Variants in FRA10AC1 observed in about 807,000 individuals in gnomAD.
The protein encoded by FRA10AC1 is FRA10A associated CGG repeat 1.
Under a neutral mutation model 56.5 loss-of-function variants are expected in FRA10AC1, and 43 were observed. That is an observed-to-expected ratio of 0.76 (90% CI 0.60 to 0.98). The LOEUF is 0.98. Among genes scored for constraint, FRA10AC1 ranks in the 50% least tolerant of loss-of-function variants. The probability of loss-of-function intolerance (pLI) is 0.00; values close to 1 mark genes in which losing one functional copy is unlikely to be tolerated. For synonymous variants in FRA10AC1, 112 were observed against 110.5 expected (o/e 1.01, Z -0.09); for missense variants, 346 against 351.8 (o/e 0.98, Z 0.13).
Position 93,692,645 on chromosome 10 carries a change from C to T in FRA10AC1, c.380+1G>A. ...GCATTACGCCTCTGATGGCTAATTA[C>T]CAAGTCATGTCCATTTCGTCCTCCT... On this transcript the variant is annotated splice_donor_variant, in intron 6 of 13. Transcript: ENST00000359204. LOFTEE classifies it high-confidence loss of function. 8 of 1,579,872 alleles carry T rather than the reference C, an allele frequency of 5.1e-6. No individual in the cohort carries two copies. Among genetic ancestry groups the T allele is most frequent in the Non-Finnish European group, 5.2e-6 (6 of 1,156,958 alleles).
At chr10:93,671,878 G>T in intron 12 of FRA10AC1, 1 of 347,650 alleles carries the variant, frequency 2.9e-6, no homozygotes, top group Non-Finnish European at 5.5e-6. Flanking sequence ...CAAATTGTTT[G>T]TATTTTAAAC....
rs147058453 is a variant in FRA10AC1 at position 93,678,218 on chromosome 10, G to C, written c.788-1527C>G. ...AGGATGACGTAGCTTTTGGGAAAGGGGTGATGGTGAGACAGATAAGATTCT... is the reference window on the plus strand; with the variant it reads ...AGGATGACGTAGCTTTTGGGAAAGGCGTGATGGTGAGACAGATAAGATTCT... On this transcript the variant is annotated intron_variant, in intron 11 of 13. Transcript: ENST00000359204. Among the ~76,000 whole-genome samples the C allele has an allele frequency of 5.3e-5, 8 of 152,254 alleles. No individual in the cohort carries two copies. In the East Asian group the frequency reaches 1.5e-3, roughly 29 times the overall value.
At chr10:93,673,218 C>A in intron 12 of FRA10AC1, 1 of 406,660 alleles carries the variant, frequency 2.5e-6, no homozygotes. Flanking sequence ...TGTTTTTGGG[C>A]AGTTCTGCCA....
At chr10:93,688,201 C>G (rs928368215) in intron 7 of FRA10AC1, among the ~76,000 whole-genome samples, 14 of 152,042 alleles carry the variant, frequency 9.2e-5, no homozygotes, top group African/African-American at 3.4e-4. Flanking sequence ...AATATCAAAC[C>G]ATGAAGACAT....
At position 93,670,683 on chromosome 10, in the gene FRA10AC1, G is replaced by A. The variant is rs916026096; in HGVS notation, c.905+87C>T. 37 of 838,084 alleles carry A rather than the reference G, an allele frequency of 4.4e-5. No homozygotes were observed. In the African/African-American group the frequency reaches 5.1e-4, roughly 12 times the overall value. The allele number at this position is 838,084 out of a possible 1,614,324, so 51.9% of individuals were successfully genotyped here. A position where few individuals can be genotyped will look rare whatever the true frequency, so the allele number is the denominator to read the frequency against. On this transcript the variant is annotated intron_variant, in intron 13 of 13. Coordinates refer to ENST00000359204, the MANE Select transcript of FRA10AC1 (RefSeq NM_145246.5). ...TTGGCATTAAATAGATCACCATGAT[G>A]TTGTATTTTTCCATTAATAAAGCTG...
upstream of FRA10AC1, chr10:93,702,703 CG>C: frequency 4.2e-6 from 1 of 235,630 alleles, no homozygotes; most frequent in Non-Finnish European, 8.5e-6. Context: ...AGAAACGGCC[CG>C]GAAAGGGACG....
chr10:93,677,237 T>A (rs1469301306), intron 11 of FRA10AC1, among the ~76,000 whole-genome samples: 4 of 149,808 alleles, frequency 2.7e-5, no homozygotes, highest in East Asian at 1.9e-4. Flanking sequence ...CAGTGTAATT[T>A]AAAAAAAAAA....
At chr10:93,684,206 G>A (rs1454014687) in intron 9 of FRA10AC1, 108 bp from the exon 10 acceptor site, 3 of 746,294 alleles carry the variant, frequency 4.0e-6, no homozygotes, top group Non-Finnish European at 6.7e-6. Flanking sequence ...ACTATAAGAG[G>A]GTAAACAAAC....
chr10:93,691,446 A>C (rs1210130250), intron 7 of FRA10AC1, among the ~76,000 whole-genome samples: 3 of 152,146 alleles, frequency 2.0e-5, no homozygotes, highest in Non-Finnish European at 2.9e-5. Context: ...CAAAGTGCTG[A>C]GATTACAGGC....
intron 7 of FRA10AC1, among the ~76,000 whole-genome samples, chr10:93,690,770 G>C (rs1366537904): frequency 6.6e-6 from 1 of 152,134 alleles, no homozygotes; most frequent in African/African-American, 2.4e-5. Flanking sequence ...GGTGCTTTTT[G>C]AACCAGATGT....
chr10:93,677,696 A>G (rs2058867047), intron 11 of FRA10AC1, among the ~76,000 whole-genome samples: 1 of 152,204 alleles, frequency 6.6e-6, no homozygotes, highest in Non-Finnish European at 1.5e-5. Flanking sequence ...GAACCAATGC[A>G]GAACAATCAC....
chr10:93,673,297 A>G (rs1416497430), intron 12 of FRA10AC1: 2 of 456,222 alleles, frequency 4.4e-6, no homozygotes, highest in East Asian at 1.4e-4. Flanking sequence ...AGTAATTTCC[A>G]TGTCTACTTC....
At chr10:93,702,017 C>T (rs1391482802) in intron 1 of FRA10AC1, among the ~76,000 whole-genome samples, 2 of 152,014 alleles carry the variant, frequency 1.3e-5, no homozygotes, top group African/African-American at 4.8e-5. Flanking sequence ...TACAGTGAAA[C>T]CCAGTAAATG....
rs1426854411 is a variant in FRA10AC1, at chr10:93,700,816, C to T, written c.1-710G>A. Among the ~76,000 whole-genome samples the T allele has an allele frequency of 3.9e-5, 6 of 152,046 alleles. No homozygotes were observed. In the South Asian group the frequency reaches 1.2e-3, roughly 32 times the overall value. On this transcript the variant is annotated intron_variant, in intron 1 of 13. Coordinates refer to ENST00000359204, the MANE Select transcript of FRA10AC1 (RefSeq NM_145246.5). ...CCACCTTGCCCTTTGGATTAGTCAGCTTTCTCTTGTTTCATTTTATTTATC... is the reference window on the plus strand; with the variant it reads ...CCACCTTGCCCTTTGGATTAGTCAGTTTTCTCTTGTTTCATTTTATTTATC...
At position 93,696,918 on chromosome 10, in the gene FRA10AC1, C is replaced by A. The variant is rs529277072; in HGVS notation, c.219+1218G>T. Among the ~76,000 whole-genome samples, 6 of 152,230 alleles carry A rather than the reference C, an allele frequency of 3.9e-5. No individual in the cohort carries two copies. The South Asian group carries it at 8.3e-4, about 21-fold the overall frequency. On this transcript the variant is annotated intron_variant, in intron 4 of 13. Transcript: ENST00000359204. ...GAGCTGAACAATGAGAACACATGGACACAGGGAGGGGAACATCACACACTG... is the reference window on the plus strand; with the variant it reads ...GAGCTGAACAATGAGAACACATGGAAACAGGGAGGGGAACATCACACACTG...
chr10:93,680,473 T>TG (rs2133906773), intron 11 of FRA10AC1, among the ~76,000 whole-genome samples: 1 of 152,252 alleles, frequency 6.6e-6, no homozygotes. Context: ...CTTGAAGCTA[T>TG]GGGAGTAGAC....
intron 8 of FRA10AC1, among the ~76,000 whole-genome samples, chr10:93,686,972 T>C (rs2059038842): frequency 6.6e-6 from 1 of 151,890 alleles, no homozygotes; most frequent in Non-Finnish European, 1.5e-5. Context: ...AAATGAGTAC[T>C]AGCCTGCCCC....
intron 11 of FRA10AC1, among the ~76,000 whole-genome samples, chr10:93,680,549 A>T (rs1007547107): frequency 5.3e-5 from 8 of 152,204 alleles, no homozygotes; most frequent in African/African-American, 1.4e-4. Flanking sequence ...GTGCAAGAAG[A>T]AGTAAATGCT....
At chr10:93,680,534 A>G (rs889142159) in intron 11 of FRA10AC1, among the ~76,000 whole-genome samples, 6 of 152,226 alleles carry the variant, frequency 3.9e-5, no homozygotes, top group African/African-American at 1.4e-4. Context: ...TGAATATATT[A>G]CCATGTGCAA....
Sources: gnomAD v4.1 joint callset for allele counts (sites outside exome capture counted in the v4.1 genomes callset) on GRCh38, gnomAD v4.1.1 for gene constraint, MANE v1.5 for transcripts, NCBI Gene and HGNC (gene_info 2026-07-23, HGNC 2026-07-21) for gene names.